The following LACTB2 variants were observed in gnomAD, a reference collection of about 807,000 sequenced individuals.
LACTB2 encodes the protein lactamase beta 2.
In LACTB2, 32 loss-of-function variants were observed where a neutral mutation model predicts 34.8. The ratio of observed to expected loss-of-function variants is 0.92; its 90% confidence interval spans 0.69 to 1.24. The LOEUF (loss-of-function observed/expected upper bound fraction) is 1.24, where lower values mean the gene tolerates loss of function less well. Among genes scored for constraint, LACTB2 ranks in the 50% most tolerant of loss-of-function variants. The pLI is 0.00. For missense variants in LACTB2, 320 were observed against 345.0 expected (o/e 0.93, Z 0.57); for synonymous variants, 120 against 117.5 (o/e 1.02, Z -0.14).
chr8:70,650,426 TA>T (rs1818324533), intron 3 of LACTB2, among the ~76,000 whole-genome samples: 1 of 152,028 alleles, frequency 6.6e-6, no homozygotes, highest in Non-Finnish European at 1.5e-5. Context: ...ATTTCACTAC[TA>T]TGTACTTAAA....
At chr8:70,643,957 T>C (rs1818231423) in intron 4 of LACTB2, 108 bp downstream of exon 4, 3 of 1,167,826 alleles carry the variant, frequency 2.6e-6, no homozygotes, top group South Asian at 4.7e-5. Context: ...GAGGTTGAGG[T>C]GGGAGGACTG....
intron 3 of LACTB2, among the ~76,000 whole-genome samples, chr8:70,653,537 A>C (rs142766843): frequency 6.6e-6 from 1 of 152,302 alleles, no homozygotes; most frequent in Non-Finnish European, 1.5e-5. Flanking sequence ...CTGTTTGTCT[A>C]TTTGCCTCTT....
intron 2 of LACTB2, chr8:70,660,297 A>T: frequency 3.5e-6 from 1 of 285,750 alleles, no homozygotes; most frequent in Non-Finnish European, 6.8e-6. Context: ...GTAGATTAAA[A>T]GAAGAGGTAA....
At chr8:70,664,917 C>A (rs1197763994) in intron 1 of LACTB2, among the ~76,000 whole-genome samples, 1 of 152,212 alleles carries the variant, frequency 6.6e-6, no homozygotes, top group East Asian at 1.9e-4. Context: ...TGTTCAGATA[C>A]AAGGTCCAGT....
chr8:70,668,853 G>A, intron 1 of LACTB2, 146 bp downstream of exon 1: 1 of 1,029,950 alleles, frequency 9.7e-7, no homozygotes, highest in Non-Finnish European at 1.4e-6. Flanking sequence ...GTGTCTGCGT[G>A]CAGTCCCGAC....
At chr8:70,667,189 T>C (rs1338662933) in intron 1 of LACTB2, among the ~76,000 whole-genome samples, 1 of 152,144 alleles carries the variant, frequency 6.6e-6, no homozygotes, top group Non-Finnish European at 1.5e-5. Context: ...CTGAAGAATG[T>C]GGTGTTGGCA....
chr8:70,654,148 A>G (rs1818379432), intron 3 of LACTB2, among the ~76,000 whole-genome samples: 1 of 152,226 alleles, frequency 6.6e-6, no homozygotes, highest in Admixed American at 6.5e-5. Context: ...AAGCTGGAGA[A>G]GAGCAGTTAA....
intron 3 of LACTB2, among the ~76,000 whole-genome samples, chr8:70,653,040 A>T (rs773102330): frequency 4.6e-5 from 7 of 152,218 alleles, no homozygotes; most frequent in Non-Finnish European, 1.0e-4. Context: ...CTTTTTGAGC[A>T]AGTAGTAATA....
intron 3 of LACTB2, among the ~76,000 whole-genome samples, chr8:70,650,467 G>A (rs1818324862): frequency 6.6e-6 from 1 of 152,130 alleles, no homozygotes; most frequent in African/African-American, 2.4e-5. Flanking sequence ...AAGGCCAGGT[G>A]CGGTAGCTCA....
chr8:70,647,565 T>C (rs927639541), intron 3 of LACTB2, among the ~76,000 whole-genome samples: 7 of 152,190 alleles, frequency 4.6e-5, no homozygotes, highest in Non-Finnish European at 8.8e-5. Flanking sequence ...GTTTGGGATA[T>C]ACTTAATAAA....
intron 3 of LACTB2, among the ~76,000 whole-genome samples, chr8:70,648,397 G>A (rs1186908795): frequency 6.6e-6 from 1 of 151,964 alleles, no homozygotes; most frequent in Non-Finnish European, 1.5e-5. Context: ...AAAAAAAGAA[G>A]AAATTGCAAC....
chr8:70,644,903 T>G (rs532460688), intron 3 of LACTB2, among the ~76,000 whole-genome samples: 1 of 152,148 alleles, frequency 6.6e-6, no homozygotes, highest in Non-Finnish European at 1.5e-5. Context: ...GAGGGAGAGC[T>G]TTTATTATTA....
At chr8:70,653,449 T>C (rs941097917) in intron 3 of LACTB2, among the ~76,000 whole-genome samples, 4 of 152,090 alleles carry the variant, frequency 2.6e-5, no homozygotes, top group African/African-American at 9.7e-5. Context: ...ATTTTGAAAA[T>C]CACAGCACAG....
intron 3 of LACTB2, 21 bp from the exon 4 acceptor site, chr8:70,644,264 G>A: frequency 1.3e-6 from 2 of 1,489,166 alleles, no homozygotes; most frequent in South Asian, 1.4e-5. Context: ...GAAGAAATAA[G>A]GAATAATAAC....
chr8:70,638,649 G>GA lies in LACTB2; in HGVS notation c.742-21dup, dbSNP rs777314366. ...AGTATTCTAAAAGAAAAATGAAGGT[G>GA]AAAAAAATTCCTTTTTTTTTAAAAA... On this transcript the variant is annotated intron_variant, in intron 5 of 6. Coordinates refer to ENST00000276590, the MANE Select transcript of LACTB2 (RefSeq NM_016027.3). 7 of 1,282,874 alleles carry GA rather than the reference G, an allele frequency of 5.5e-6. No homozygotes were observed. In the African/African-American group the frequency reaches 1.1e-4, roughly 21 times the overall value. The allele number at this position is 1,282,874 out of a possible 1,614,324, so 79.5% of individuals were successfully genotyped here.
intron 1 of LACTB2, among the ~76,000 whole-genome samples, chr8:70,668,670 C>T (rs1818570954): frequency 1.3e-5 from 2 of 151,712 alleles, no homozygotes; most frequent in Admixed American, 6.6e-5. Flanking sequence ...TCTTGACATC[C>T]GAATTTTCTC....
At chr8:70,640,297 C>A (rs1339715744) in intron 5 of LACTB2, among the ~76,000 whole-genome samples, 2 of 152,148 alleles carry the variant, frequency 1.3e-5, no homozygotes, top group African/African-American at 4.8e-5. Flanking sequence ...AGCTATGCTG[C>A]CTACACAGCA....
At chr8:70,650,763 A>C (rs556237861) in intron 3 of LACTB2, among the ~76,000 whole-genome samples, 141 of 150,552 alleles carry the variant, frequency 9.4e-4, no homozygotes, top group Middle Eastern at 6.8e-3. Context: ...AAAAAAGAAA[A>C]AAAAAGAAAC....
chr8:70,646,374 C>G (rs539760772), intron 3 of LACTB2: 1 of 152,248 alleles, frequency 6.6e-6, no homozygotes, highest in African/African-American at 2.4e-5. Flanking sequence ...ACAACCCCAT[C>G]AAAAGTGGGC....
Sources: gnomAD v4.1 joint callset for allele counts (sites outside exome capture counted in the v4.1 genomes callset) on GRCh38, gnomAD v4.1.1 for gene constraint, MANE v1.5 for transcripts, NCBI Gene and HGNC (gene_info 2026-07-23, HGNC 2026-07-21) for gene names.